The following ADISSP variants were observed in gnomAD, a reference collection of about 807,000 sequenced individuals.
The protein encoded by ADISSP is adipose secreted signaling protein.
the ADISSP span, among the ~76,000 whole-genome samples, chr20:3,764,865 C>T: frequency 6.6e-6 from 1 of 152,228 alleles, no homozygotes; most frequent in Non-Finnish European, 1.5e-5. Context: ...TCTTTTGCCT[C>T]ACCCCTGCCC....
chr20:3,760,331 G>A, the ADISSP span: 5 of 526,296 alleles, frequency 9.5e-6, no homozygotes, highest in Non-Finnish European at 1.7e-5. Flanking sequence ...TCTAGCACGG[G>A]GGCTTCTGCC....
the ADISSP span, among the ~76,000 whole-genome samples, chr20:3,757,305 G>A: frequency 2.0e-5 from 3 of 151,866 alleles, no homozygotes; most frequent in Admixed American, 6.6e-5. Flanking sequence ...AGCTGAGATG[G>A]CGCCACTGTA....
At chr20:3,765,703 G>A in the ADISSP span, among the ~76,000 whole-genome samples, 1 of 152,094 alleles carries the variant, frequency 6.6e-6, no homozygotes, top group South Asian at 2.1e-4. Flanking sequence ...AAGGGGTGAG[G>A]GGGCCTCCCT....
the ADISSP span, among the ~76,000 whole-genome samples, chr20:3,761,335 TG>T: frequency 1.5e-5 from 2 of 134,488 alleles, no homozygotes; most frequent in Non-Finnish European, 3.1e-5. Flanking sequence ...GTATGGTTTT[TG>T]TTTTTTTTTT....
the ADISSP span, chr20:3,758,732 T>C: frequency 1.9e-6 from 3 of 1,562,102 alleles, no homozygotes; most frequent in East Asian, 6.8e-5. This position sits in a 1 kb window ranked among gnomAD's most constrained non-coding sequence, Gnocchi z 5.5. Context: ...AGGAAACTCC[T>C]CCCCCTTGTC....
chr20:3,759,934 C>G, the ADISSP span: 1 of 1,342,092 alleles, frequency 7.5e-7, no homozygotes, highest in Non-Finnish European at 1.1e-6. The surrounding 1 kb of genome is among the most constrained non-coding windows in gnomAD (Gnocchi z 4.6). Context: ...GACATAGTCC[C>G]AATCACATTC....
chr20:3,767,907 C>T, the ADISSP span: 1,995 of 152,376 alleles, frequency 0.013, 42 homozygotes, highest in African/African-American at 0.045. Context: ...GCCAGGGTCG[C>T]CGAGGCAGCG....
chr20:3,756,339 C>G, the ADISSP span, among the ~76,000 whole-genome samples: 1 of 152,230 alleles, frequency 6.6e-6, no homozygotes, highest in Non-Finnish European at 1.5e-5. Flanking sequence ...ATTCACAGTG[C>G]TTGGTGACAA....
chr20:3,765,884 C>A, the ADISSP span, among the ~76,000 whole-genome samples: 25 of 152,074 alleles, frequency 1.6e-4, no homozygotes, highest in Admixed American at 1.6e-3. Context: ...ATGGTGCCTC[C>A]CCGCCAGCAA....
chr20:3,755,696 C>A, the ADISSP span: 3 of 1,179,122 alleles, frequency 2.5e-6, no homozygotes, highest in African/African-American at 4.5e-5. Context: ...TCCCATGCGC[C>A]CCAGCACCTG....
the ADISSP span, among the ~76,000 whole-genome samples, chr20:3,763,584 G>A: frequency 6.6e-6 from 1 of 152,182 alleles, no homozygotes; most frequent in South Asian, 2.1e-4. Context: ...AGACATTTGG[G>A]GGATCTGGAA....
the ADISSP span, among the ~76,000 whole-genome samples, chr20:3,762,512 A>G: frequency 1.3e-5 from 2 of 152,132 alleles, no homozygotes; most frequent in Non-Finnish European, 2.9e-5. Context: ...CTGAGACCAC[A>G]GCCACGCACC....
the ADISSP span, among the ~76,000 whole-genome samples, chr20:3,755,244 C>T: frequency 6.6e-6 from 1 of 152,172 alleles, no homozygotes; most frequent in South Asian, 2.1e-4. Flanking sequence ...AGGTAACCAT[C>T]ACACCATGGG....
At chr20:3,765,805 C>G in the ADISSP span, among the ~76,000 whole-genome samples, 1 of 152,094 alleles carries the variant, frequency 6.6e-6, no homozygotes, top group Non-Finnish European at 1.5e-5. Flanking sequence ...TCCCCCTAAC[C>G]AGAGGGGGTC....
At chr20:3,767,356 G>A in the ADISSP span, 1 of 152,486 alleles carries the variant, frequency 6.6e-6, no homozygotes, top group East Asian at 1.9e-4. Context: ...GTGGGGAGGA[G>A]GGGGCGCTGA....
the ADISSP span, among the ~76,000 whole-genome samples, chr20:3,764,396 C>A: frequency 1.3e-5 from 2 of 152,186 alleles, no homozygotes; most frequent in Non-Finnish European, 2.9e-5. Context: ...CCATGCAGGG[C>A]ACCCTCCCTG....
the ADISSP span, chr20:3,754,511 C>T: frequency 6.2e-7 from 1 of 1,612,938 alleles, no homozygotes; most frequent in South Asian, 1.1e-5. Flanking sequence ...TCACACTTGA[C>T]ACTATAACCT....
the ADISSP span, among the ~76,000 whole-genome samples, chr20:3,761,070 T>C: frequency 1.3e-5 from 2 of 152,192 alleles, no homozygotes; most frequent in African/African-American, 4.8e-5. Flanking sequence ...AAGCTGAGGA[T>C]TAAAGAGGAA....
chr20:3,766,622 A>C, the ADISSP span, among the ~76,000 whole-genome samples: 78 of 152,294 alleles, frequency 5.1e-4, no homozygotes, highest in African/African-American at 1.9e-3. Flanking sequence ...CCTGTGATCC[A>C]GAGGTCCCAA....
Sources: allele counts gnomAD v4.1 joint callset (sites outside exome capture counted in the v4.1 genomes callset), GRCh38; gene constraint gnomAD v4.1.1; non-coding constraint Gnocchi (gnomAD v3.1); transcripts MANE v1.5; gene names NCBI Gene and HGNC (gene_info 2026-07-23, HGNC 2026-07-21).